Variants in QTMAN observed in about 807,000 individuals in gnomAD.
QTMAN encodes queuosine-tRNA mannosyltransferase, also known as tRNA-queuosine alpha-mannosyltransferase.
the QTMAN span, among the ~76,000 whole-genome samples, chr2:143,994,854 T>C: frequency 1.3e-5 from 2 of 152,312 alleles, no homozygotes; most frequent in Non-Finnish European, 2.9e-5. Flanking sequence ...AATCGCTGAA[T>C]TGTATATTTA....
the QTMAN span, among the ~76,000 whole-genome samples, chr2:144,226,740 T>C: frequency 6.6e-6 from 1 of 152,146 alleles, no homozygotes; most frequent in Non-Finnish European, 1.5e-5. Flanking sequence ...AATAGGGTTA[T>C]ATAGGGGATG....
the QTMAN span, among the ~76,000 whole-genome samples, chr2:144,025,539 G>A: frequency 6.6e-6 from 1 of 152,190 alleles, no homozygotes; most frequent in African/African-American, 2.4e-5. Flanking sequence ...GGCTTACACA[G>A]TATTGAAAGG....
the QTMAN span, among the ~76,000 whole-genome samples, chr2:144,033,405 T>G: frequency 6.6e-6 from 1 of 152,142 alleles, no homozygotes; most frequent in South Asian, 2.1e-4. Flanking sequence ...TGTAAAAGGA[T>G]ACATCTCAGG....
chr2:144,321,465 C>T, the QTMAN span, among the ~76,000 whole-genome samples: 1 of 152,194 alleles, frequency 6.6e-6, no homozygotes, highest in African/African-American at 2.4e-5. Context: ...CTACAGAACC[C>T]ATCTGTAATT....
chr2:144,104,458 A>C, the QTMAN span, among the ~76,000 whole-genome samples: 6 of 152,160 alleles, frequency 3.9e-5, no homozygotes, highest in African/African-American at 1.4e-4. Flanking sequence ...CCAGGAGATT[A>C]TATCCTGCGC....
At chr2:144,257,754 C>G in the QTMAN span, among the ~76,000 whole-genome samples, 1 of 152,002 alleles carries the variant, frequency 6.6e-6, no homozygotes, top group Non-Finnish European at 1.5e-5. Flanking sequence ...TGAAATTGAT[C>G]CTATTCAAAA....
At chr2:144,161,706 A>G in the QTMAN span, among the ~76,000 whole-genome samples, 10 of 152,330 alleles carry the variant, frequency 6.6e-5, no homozygotes, top group South Asian at 2.1e-3. Flanking sequence ...AGCCCAAGTA[A>G]GTAGTAAAAA....
chr2:144,205,759 T>C, the QTMAN span, among the ~76,000 whole-genome samples: 1 of 152,208 alleles, frequency 6.6e-6, no homozygotes, highest in Non-Finnish European at 1.5e-5. Context: ...CCTCGATACC[T>C]AGTTTAGGGT....
chr2:144,200,066 T>C, the QTMAN span, among the ~76,000 whole-genome samples: 3 of 152,200 alleles, frequency 2.0e-5, no homozygotes, highest in Non-Finnish European at 4.4e-5. Flanking sequence ...CAGTTAAAGA[T>C]TCATTTTTGT....
the QTMAN span, among the ~76,000 whole-genome samples, chr2:144,162,445 T>C: frequency 6.6e-6 from 1 of 152,120 alleles, no homozygotes; most frequent in African/African-American, 2.4e-5. Context: ...CTGGAAAATC[T>C]TGTACAGATG....
At chr2:144,310,287 G>A in the QTMAN span, among the ~76,000 whole-genome samples, 3 of 152,138 alleles carry the variant, frequency 2.0e-5, no homozygotes, top group African/African-American at 7.2e-5. Flanking sequence ...CAGGAATGGG[G>A]GGTAGTAAAT....
the QTMAN span, among the ~76,000 whole-genome samples, chr2:144,294,809 C>A: frequency 6.6e-6 from 1 of 152,052 alleles, no homozygotes; most frequent in Admixed American, 6.5e-5. Flanking sequence ...AGAAAGAACT[C>A]TCCATTGCTT....
the QTMAN span, among the ~76,000 whole-genome samples, chr2:143,962,535 C>A: frequency 6.6e-6 from 1 of 152,054 alleles, no homozygotes; most frequent in Non-Finnish European, 1.5e-5. Flanking sequence ...CTTGGATGTT[C>A]TAGGTTTAGA....
chr2:144,204,368 T>C, the QTMAN span, among the ~76,000 whole-genome samples: 8 of 152,200 alleles, frequency 5.3e-5, no homozygotes, highest in Non-Finnish European at 1.0e-4. Context: ...AAGACATTTA[T>C]GCAGCCAACA....
chr2:144,242,961 A>T, the QTMAN span, among the ~76,000 whole-genome samples: 3 of 93,108 alleles, frequency 3.2e-5, no homozygotes, highest in Admixed American at 3.0e-4. Context: ...GACTCTACTT[A>T]AAAAAAAAAA....
chr2:144,265,507 C>T, the QTMAN span, among the ~76,000 whole-genome samples: 1 of 152,024 alleles, frequency 6.6e-6, no homozygotes, highest in Non-Finnish European at 1.5e-5. Context: ...ACCATCCTCG[C>T]TAATACGGTG....
chr2:144,138,251 G>T, the QTMAN span, among the ~76,000 whole-genome samples: 1 of 151,986 alleles, frequency 6.6e-6, no homozygotes, highest in East Asian at 1.9e-4. Flanking sequence ...ACTGACCACA[G>T]GATTTAGAGG....
At chr2:144,150,665 A>G in the QTMAN span, among the ~76,000 whole-genome samples, 1 of 151,962 alleles carries the variant, frequency 6.6e-6, no homozygotes, top group Non-Finnish European at 1.5e-5. Context: ...GCTTGTGATA[A>G]CCTAATTTCC....
the QTMAN span, among the ~76,000 whole-genome samples, chr2:144,022,344 C>T: frequency 6.6e-6 from 1 of 151,656 alleles, no homozygotes. Context: ...GGCTGGAGTG[C>T]AGTGGTATGA....
Sources: allele counts gnomAD v4.1 joint callset (sites outside exome capture counted in the v4.1 genomes callset), GRCh38; gene constraint gnomAD v4.1.1; transcripts MANE v1.5; gene names NCBI Gene and HGNC (gene_info 2026-07-23, HGNC 2026-07-21).